Variants in ADAMTSL3 observed in about 807,000 individuals in gnomAD.
ADAMTSL3 encodes the protein ADAMTS-like protein 3.
In ADAMTSL3, 128 loss-of-function variants were observed where a neutral mutation model predicts 201.7. The observed-to-expected ratio is 0.63, with a 90% CI of 0.55 to 0.73. ADAMTSL3 has a LOEUF of 0.73. Among genes scored for constraint, ADAMTSL3 ranks in the 30% least tolerant of loss-of-function variants. ADAMTSL3 has a pLI of 0.00. For synonymous variants in ADAMTSL3, 738 were observed against 748.4 expected, an observed-to-expected ratio of 0.99 and a Z score of 0.23; for missense variants, 1,990 against 2,119.6, an observed-to-expected ratio of 0.94 and a Z score of 1.20.
chr15:83,736,346 A>C (rs2062369225), intron 3 of ADAMTSL3, among the ~76,000 whole-genome samples: 1 of 152,232 alleles, frequency 6.6e-6, no homozygotes, highest in Non-Finnish European at 1.5e-5. Context: ...TTGGATCAAG[A>C]TGACAGCTAA....
At chr15:84,013,554 G>A (rs150770881) in intron 23 of ADAMTSL3, among the ~76,000 whole-genome samples, 322 of 152,218 alleles carry the variant, frequency 2.1e-3, no homozygotes, top group Admixed American at 3.3e-3. Flanking sequence ...GCGGGGGATC[G>A]CTTGAGCCCA....
chr15:83,881,344 A>G (rs1596349746), intron 9 of ADAMTSL3, among the ~76,000 whole-genome samples: 2 of 152,246 alleles, frequency 1.3e-5, no homozygotes, highest in South Asian at 2.1e-4. Context: ...CTTGAGCTCT[A>G]GTGTTCGCTT....
At chr15:83,686,304 A>G (rs1432265646) in intron 2 of ADAMTSL3, among the ~76,000 whole-genome samples, 4 of 152,194 alleles carry the variant, frequency 2.6e-5, no homozygotes, top group African/African-American at 7.2e-5. Flanking sequence ...GCGACTTGCT[A>G]TGGGAGGGGA....
chr15:83,977,724 C>G (rs770592398), intron 20 of ADAMTSL3, among the ~76,000 whole-genome samples: 4 of 152,186 alleles, frequency 2.6e-5, no homozygotes, highest in Non-Finnish European at 5.9e-5. Context: ...CTAGGGGGCC[C>G]TTGGTTGTCT....
At chr15:83,791,363 A>T (rs543575202) in intron 4 of ADAMTSL3, among the ~76,000 whole-genome samples, 18 of 152,322 alleles carry the variant, frequency 1.2e-4, no homozygotes, top group African/African-American at 4.1e-4. Flanking sequence ...AGCAAAACAC[A>T]ATGGCAATGG....
At chr15:83,664,943 C>T (rs953378884) in intron 2 of ADAMTSL3, among the ~76,000 whole-genome samples, 1 of 152,156 alleles carries the variant, frequency 6.6e-6, no homozygotes, top group Non-Finnish European at 1.5e-5. Context: ...CCTTGAAGAG[C>T]ATGTAAAGGA....
chr15:83,924,013 C>T lies in ADAMTSL3; in HGVS notation c.2097C>T (p.Asn699=), dbSNP rs755361824. Residue 699 remains asparagine (N), a synonymous_variant, in exon 17 of 30, where the codon AAC becomes AAT. Transcript: ENST00000286744. ...HRPPAMSQAC[N]TEPCPPRWHV... ...CTCCAGCCATGAGCCAGGCCTGTAA[C>T]ACAGAGCCCTGTCCCCCCAGGTATG... The T allele has an allele frequency of 3.1e-6, 5 of 1,614,018 alleles. No individual in the cohort carries two copies. The highest frequency in any genetic ancestry group is 2.7e-5 in the African/African-American group (2 of 74,938).
chr15:83,994,108 G>T (rs2067633081), intron 23 of ADAMTSL3, among the ~76,000 whole-genome samples: 1 of 152,220 alleles, frequency 6.6e-6, no homozygotes, highest in South Asian at 2.1e-4. Flanking sequence ...CCCAAATGAA[G>T]GGCACTGGCA....
intron 3 of ADAMTSL3, among the ~76,000 whole-genome samples, chr15:83,754,310 G>A (rs563177479): frequency 2.0e-5 from 3 of 152,172 alleles, no homozygotes; most frequent in East Asian, 1.9e-4. Flanking sequence ...GGCCTTGTTC[G>A]ATCTGCCTTG....
At chr15:83,992,971 C>A (rs1474544025) in intron 23 of ADAMTSL3, among the ~76,000 whole-genome samples, 1 of 152,202 alleles carries the variant, frequency 6.6e-6, no homozygotes, top group Non-Finnish European at 1.5e-5. Flanking sequence ...TCCCATTTGG[C>A]CTTTCTTTAT....
intron 3 of ADAMTSL3, among the ~76,000 whole-genome samples, chr15:83,748,159 G>C (rs1003562454): frequency 3.3e-5 from 5 of 152,116 alleles, no homozygotes; most frequent in Non-Finnish European, 7.4e-5. Context: ...CCTTTCTTCA[G>C]TGCCTCTTAC....
chr15:83,782,195 G>A (rs12910446), intron 4 of ADAMTSL3, among the ~76,000 whole-genome samples: 22,536 of 152,138 alleles, frequency 0.15, 2,247 homozygotes, highest in Middle Eastern at 0.31. Context: ...TAAAGACTGG[G>A]GTCAGGTGTG....
chr15:83,833,484 T>G lies in ADAMTSL3; in HGVS notation c.601-4605T>G, dbSNP rs369930636. Among the ~76,000 whole-genome samples the G allele has an allele frequency of 3.2e-4, 48 of 152,282 alleles. 1 individual carries two copies. The East Asian group carries it at 5.4e-3, about 17-fold the overall frequency. Reference sequence around the variant, plus strand: ...TGTTTCACCTCCTAGTACCATCAACTTGAGGGTTAGGTCTCTGCATATGAA... The same window carrying G: ...TGTTTCACCTCCTAGTACCATCAACGTGAGGGTTAGGTCTCTGCATATGAA... On this transcript the variant is annotated intron_variant, in intron 6 of 29. Coordinates refer to ENST00000286744, the MANE Select transcript of ADAMTSL3 (RefSeq NM_207517.3).
chr15:83,672,483 C>T (rs1465859550), intron 2 of ADAMTSL3, among the ~76,000 whole-genome samples: 2 of 152,190 alleles, frequency 1.3e-5, no homozygotes, highest in African/African-American at 2.4e-5. Flanking sequence ...GATGACTGCC[C>T]ATTTGCTGGG....
At chr15:83,899,381 A>AT (rs773689246) in intron 14 of ADAMTSL3, among the ~76,000 whole-genome samples, 4 of 151,806 alleles carry the variant, frequency 2.6e-5, no homozygotes, top group Non-Finnish European at 5.9e-5. Context: ...TATAAAAGGC[A>AT]TTTTTATGTT....
chr15:83,679,395 G>A (rs1451795526), intron 2 of ADAMTSL3, among the ~76,000 whole-genome samples: 2 of 151,828 alleles, frequency 1.3e-5, no homozygotes, highest in Non-Finnish European at 2.9e-5. Context: ...TATAAAAAGT[G>A]ATTTTTAAAT....
chr15:84,035,581 C>T (rs1435509521), intron 28 of ADAMTSL3, among the ~76,000 whole-genome samples: 1 of 152,196 alleles, frequency 6.6e-6, no homozygotes, highest in Non-Finnish European at 1.5e-5. Flanking sequence ...TTGATAGAGT[C>T]TCCTCCTACT....
At chr15:83,725,959 A>G (rs561127795) in intron 3 of ADAMTSL3, among the ~76,000 whole-genome samples, 21 of 152,184 alleles carry the variant, frequency 1.4e-4, no homozygotes, top group Non-Finnish European at 1.8e-4. Context: ...TATGGATTGC[A>G]TTTAATCTGT....
rs142671468 is a variant in ADAMTSL3 at position 84,007,883 on chromosome 15, G to A, written c.3974-6659G>A. On this transcript the variant is annotated intron_variant, in intron 23 of 29. Coordinates refer to ENST00000286744, the MANE Select transcript of ADAMTSL3 (RefSeq NM_207517.3). The stretch of plus-strand genomic sequence containing the variant: ...GAGCAAAGCCATCCCTAAATTCCCT[G>A]CCCTGGACTCCACTTCCCTCTCCAG... 8.5e-4 allele frequency among the ~76,000 whole-genome samples: 129 copies of A among 152,258 alleles called. 1 individual carries two copies. The highest frequency in any genetic ancestry group is 3.4e-3 in the Middle Eastern group (1 of 294).
Sources: allele counts gnomAD v4.1 joint callset (sites outside exome capture counted in the v4.1 genomes callset), GRCh38; gene constraint gnomAD v4.1.1; transcripts MANE v1.5; gene names NCBI Gene and HGNC (gene_info 2026-07-23, HGNC 2026-07-21).